Variants in PMM1 observed in about 807,000 individuals in gnomAD.
PMM1 encodes the protein phosphomannomutase 1, also known as brain glucose-1,6-bisphosphatase.
PMM1 carries 25 observed loss-of-function variants against 34.0 expected under a neutral mutation model. The observed-to-expected ratio is 0.73, with a 90% CI of 0.54 to 1.03. PMM1 has a LOEUF of 1.03. PMM1 is among the 50% of genes least tolerant of loss of function. PMM1 has a pLI of 0.00. For synonymous variants in PMM1, 134 were observed against 143.9 expected, an observed-to-expected ratio of 0.93 and a Z score of 0.49; for missense variants, 321 against 350.1, an observed-to-expected ratio of 0.92 and a Z score of 0.66.
chr22:41,588,556 T>C, intron 1 of PMM1: 4 of 710,012 alleles, frequency 5.6e-6, no homozygotes, highest in Non-Finnish European at 6.9e-6. Context: ...GGTTTCACCA[T>C]GTTAGCCAGA....
In PMM1 at chr22:41,589,760, A is replaced by G. The variant is rs2067358737; in HGVS notation, c.46T>C (p.Cys16Arg). The change falls in exon 1 of 8, where the codon TGC (cysteine) becomes CGC (arginine). Residue 16 changes from cysteine (C) to arginine (R), a missense_variant. By Grantham distance (180) the Cys-to-Arg change is radical (BLOSUM62 -3). Transcript: ENST00000216259. The part of the protein sequence containing the change: ...QAARRKERVL[C>R]LFDVDGTLTP... ...AGGGTCCCGTCCACGTCAAACAGGC[A>G]GAGGACGCGCTCCTTCCTGCGGGCT... 6.2e-7 allele frequency: 1 copy of G among 1,611,824 alleles called. No individual in the cohort carries two copies.
chr22:41,587,481 G>A (rs996847947), intron 1 of PMM1, among the ~76,000 whole-genome samples: 1 of 151,284 alleles, frequency 6.6e-6, no homozygotes, highest in African/African-American at 2.4e-5. Flanking sequence ...AGGCATGGTG[G>A]CACTTGCCTG....
chr22:41,588,454 C>G (rs1308882856), intron 1 of PMM1, among the ~76,000 whole-genome samples: 1 of 152,224 alleles, frequency 6.6e-6, no homozygotes, highest in Non-Finnish European at 1.5e-5. Context: ...CTCCTGACAT[C>G]GTGATCTGTC....
In PMM1 at chr22:41,589,724, G is replaced by T. The variant is rs962085013; in HGVS notation, c.82C>A (p.Arg28Ser). The T allele has an allele frequency of 3.1e-6, 5 of 1,611,022 alleles. No homozygotes were observed. Among genetic ancestry groups the T allele is most frequent in the Non-Finnish European group, 4.2e-6 (5 of 1,179,162 alleles). Residue 28 changes from arginine to serine, a missense_variant, in exon 1 of 8, where the codon CGC becomes AGC. By Grantham distance (110) the Arg-to-Ser change is moderately radical. Coordinates refer to ENST00000216259, the MANE Select transcript of PMM1 (RefSeq NM_002676.3). ...TCCAATCTTCAGGGTCCTACCTGGC[G>T]AGCCGGCGTGAGGGTCCCGTCCACG... ...FDVDGTLTPA[R>S]QKIDPEVAAF...
intron 5 of PMM1, chr22:41,579,099 T>C (rs2067210280): frequency 1.9e-6 from 1 of 537,612 alleles, no homozygotes; most frequent in Non-Finnish European, 3.4e-6. Context: ...GGGATGGGGC[T>C]GCCAATGGGG....
At position 41,586,203 on chromosome 22, in the gene PMM1, G is replaced by A. The variant is rs79865826; in HGVS notation, c.88-10C>T. ...CCTCAGGGTCAATTTTCTATGGGGG[G>A]AGAGGGGAAGCATAGCATTCTGGCT... On this transcript the variant is annotated splice_polypyrimidine_tract_variant and intron_variant, in intron 1 of 7. Transcript: ENST00000216259. 7.5e-6 allele frequency: 12 copies of A among 1,605,620 alleles called. No homozygotes were observed. Among genetic ancestry groups the A allele is most frequent in the Non-Finnish European group, 1.0e-5 (12 of 1,179,330 alleles).
In PMM1 at chr22:41,581,580, C is replaced by T. The variant is rs373598148; in HGVS notation, c.474+2379G>A. Among the ~76,000 whole-genome samples the T allele has an allele frequency of 1.2e-3, 186 of 152,282 alleles. 1 individual carries two copies. Among genetic ancestry groups the T allele is most frequent in the African/African-American group, 4.2e-3 (176 of 41,556 alleles). On this transcript the variant is annotated intron_variant, in intron 5 of 7. Transcript: ENST00000216259. ...CATTCATTCAAAAGGTATTTCTTGC[C>T]GGGCACAGTGGCTCACACCTATAAT...
In PMM1 at chr22:41,577,878, C is replaced by G. The variant is rs749406595; in HGVS notation, c.596G>C (p.Arg199Pro). The change falls in exon 7 of 8, where the codon CGC becomes CCC. Residue 199 changes from arginine (R) to proline (P), a missense_variant. By Grantham distance (103) the Arg-to-Pro change is moderately radical. Coordinates refer to ENST00000216259, the MANE Select transcript of PMM1 (RefSeq NM_002676.3). The stretch of plus-strand genomic sequence containing the variant: ...CTGGTCCAGGCTATCCAGGCAGTAG[C>G]GCTTGTCCCAGCCCTCGGGGAAGAC... ...FDVFPEGWDK[R>P]YCLDSLDQDS... The G allele has an allele frequency of 6.2e-7, 1 of 1,613,484 alleles. No homozygotes were observed. The highest frequency in any genetic ancestry group is 1.1e-5 in the South Asian group (1 of 91,078).
chr22:41,584,739 A>G, intron 2 of PMM1, 136 bp from the exon 3 acceptor site: 1 of 627,546 alleles, frequency 1.6e-6, no homozygotes, highest in Non-Finnish European at 2.8e-6. Context: ...TGAGGCTACA[A>G]CCTGCTTCTC....
intron 1 of PMM1, chr22:41,588,601 C>T: frequency 1.0e-6 from 1 of 955,860 alleles, no homozygotes; most frequent in Non-Finnish European, 1.2e-6. Context: ...GTGATCTGCC[C>T]ACCATGGCCT....
At chr22:41,582,544 G>A (rs2067258878) in intron 5 of PMM1, among the ~76,000 whole-genome samples, 2 of 152,314 alleles carry the variant, frequency 1.3e-5, no homozygotes, top group East Asian at 3.9e-4. Context: ...ATCCCTCATG[G>A]AGCTTACAGT....
At chr22:41,589,354 C>A in intron 1 of PMM1, 1 of 438,450 alleles carries the variant, frequency 2.3e-6, no homozygotes, top group South Asian at 1.9e-5. Flanking sequence ...TGTCGTAGGG[C>A]TGAACTAGGG....
At chr22:41,578,510 T>C (rs2067202620) in intron 6 of PMM1, among the ~76,000 whole-genome samples, 1 of 151,162 alleles carries the variant, frequency 6.6e-6, no homozygotes, top group Admixed American at 6.6e-5. Context: ...CTGTGACTTC[T>C]AGGAGTTTGG....
At chr22:41,587,507 GC>G (rs1417413608) in intron 1 of PMM1, among the ~76,000 whole-genome samples, 1 of 151,012 alleles carries the variant, frequency 6.6e-6, no homozygotes, top group Non-Finnish European at 1.5e-5. Flanking sequence ...CCAGCTACCA[GC>G]TACTCCAGAA....
chr22:41,584,909 C>A, intron 2 of PMM1: 1 of 330,010 alleles, frequency 3.0e-6, no homozygotes. Flanking sequence ...CTCTGGAAGC[C>A]ATGCAGTACT....
intron 5 of PMM1, 116 bp from the exon 6 acceptor site, chr22:41,578,997 T>C: frequency 1.2e-6 from 1 of 811,966 alleles, no homozygotes; most frequent in Non-Finnish European, 2.1e-6. Flanking sequence ...GACCCCCAAC[T>C]GTGCAGATGC....
intron 1 of PMM1, chr22:41,586,419 T>C: frequency 1.4e-6 from 1 of 705,634 alleles, no homozygotes; most frequent in Non-Finnish European, 2.1e-6. Flanking sequence ...CCCAGGAGTT[T>C]GAGACTAGAG....
chr22:41,583,206 G>C (rs1328174999), intron 5 of PMM1, among the ~76,000 whole-genome samples: 2 of 152,228 alleles, frequency 1.3e-5, no homozygotes, highest in South Asian at 2.1e-4. Context: ...TGGGCTGTGC[G>C]TGGTGGCTCA....
chr22:41,578,961 G>C lies in PMM1; in HGVS notation c.475-80C>G. 7 of 1,220,800 alleles carry C rather than the reference G, an allele frequency of 5.7e-6. No homozygotes were observed. The South Asian group carries it at 8.6e-5, about 15-fold the overall frequency. The allele number at this position is 1,220,800 out of a possible 1,614,324, so 75.6% of individuals were successfully genotyped here. On this transcript the variant is annotated intron_variant, in intron 5 of 7. Transcript: ENST00000216259. ...CTGGCTGGGCACACAGTCCACGTGA[G>C]CGTGCTGAGCATTCTAGGTGGGTAG...
Sources: allele counts gnomAD v4.1 joint callset (sites outside exome capture counted in the v4.1 genomes callset), GRCh38; gene constraint gnomAD v4.1.1; transcripts MANE v1.5; gene names NCBI Gene and HGNC (gene_info 2026-07-23, HGNC 2026-07-21).